MAGI2: variants seen among roughly 807,000 people sequenced by gnomAD.
MAGI2 encodes the protein membrane-associated guanylate kinase, WW and PDZ domain-containing protein 2.
A neutral mutation model predicts 133.3 loss-of-function variants in MAGI2; 35 were observed. The observed-to-expected ratio is 0.26, with a 90% CI of 0.20 to 0.35. The LOEUF (loss-of-function observed/expected upper bound fraction) is 0.35, where lower values mean the gene tolerates loss of function less well. Among genes scored for constraint, MAGI2 ranks in the 10% least tolerant of loss-of-function variants. The pLI is 1.00. For missense variants in MAGI2, 1,636 were observed against 1,863.4 expected (o/e 0.88, Z 2.25); for synonymous variants, 729 against 710.6 (o/e 1.03, Z -0.41).
intron 13 of MAGI2, among the ~76,000 whole-genome samples, chr7:78,185,024 A>G (rs1009441015): frequency 5.3e-5 from 8 of 152,192 alleles, no homozygotes; most frequent in African/African-American, 1.9e-4. Flanking sequence ...TATCTAGTCT[A>G]GTGTTATTCA....
At chr7:78,482,878 TACACACACACACACAC>T (rs3086358) in intron 6 of MAGI2, among the ~76,000 whole-genome samples, 13 of 89,882 alleles carry the variant, frequency 1.4e-4, no homozygotes, top group African/African-American at 3.6e-4. Flanking sequence ...CACATGGAAC[TACACACACACACACAC>T]ACACACACAC....
At chr7:78,909,464 G>T (rs181072545) in intron 2 of MAGI2, among the ~76,000 whole-genome samples, 201 of 150,792 alleles carry the variant, frequency 1.3e-3, no homozygotes, top group African/African-American at 4.6e-3. Context: ...TTAGCCAGGC[G>T]TGGTGGCAGG....
At chr7:78,782,361 C>T (rs1583867880) in intron 2 of MAGI2, among the ~76,000 whole-genome samples, 1 of 152,154 alleles carries the variant, frequency 6.6e-6, no homozygotes, top group African/African-American at 2.4e-5. Context: ...TTCTTTTTGC[C>T]TACCCACAGT....
chr7:78,185,772 T>C, intron 12 of MAGI2, 102 bp from the exon 13 acceptor site: 1 of 811,114 alleles, frequency 1.2e-6, no homozygotes, highest in South Asian at 2.3e-5. Flanking sequence ...CCAACCACAA[T>C]CTCATACTTA....
rs192947506 is a variant in MAGI2 at position 78,847,053 on chromosome 7, T to C, written c.418+160037A>G. On this transcript the variant is annotated intron_variant, in intron 2 of 21. Transcript: ENST00000354212. The stretch of plus-strand genomic sequence containing the variant: ...CTGCTATTTATAATTGACATTCTTA[T>C]AGACAAAAGATAATAGGTAGTTCAA... 9.9e-5 allele frequency among the ~76,000 whole-genome samples: 15 copies of C among 152,102 alleles called. No individual in the cohort carries two copies. In the East Asian group the frequency reaches 2.3e-3, roughly 24 times the overall value.
rs35086872 is a variant in MAGI2, at chr7:78,762,673, T to C, written c.419-135434A>G. ...GATAGTCAAGAAAATGACTCCGTTT[T>C]GGGAAAGTATAGCTAGTGAGAGAAA... On this transcript the variant is annotated intron_variant, in intron 2 of 21. Coordinates refer to ENST00000354212, the MANE Select transcript of MAGI2 (RefSeq NM_012301.4). Among the ~76,000 whole-genome samples the C allele has an allele frequency of 3.0e-3, 450 of 152,352 alleles. 2 individuals are homozygous for C. The highest frequency in any genetic ancestry group is 5.0e-3 in the Non-Finnish European group (342 of 68,028).
chr7:78,526,381 A>G (rs1444395406), intron 3 of MAGI2, among the ~76,000 whole-genome samples: 5 of 152,230 alleles, frequency 3.3e-5, no homozygotes, highest in Non-Finnish European at 5.9e-5. Context: ...TAAGGAGAGT[A>G]CAGGCTTTTC....
chr7:78,817,899 C>T (rs996197431), intron 2 of MAGI2, among the ~76,000 whole-genome samples: 33 of 151,940 alleles, frequency 2.2e-4, no homozygotes, highest in Middle Eastern at 3.4e-3. Context: ...TTAGTAGAGA[C>T]GGGGTCTCAC....
At chr7:78,330,455 A>C (rs1789053911) in intron 9 of MAGI2, among the ~76,000 whole-genome samples, 1 of 88,964 alleles carries the variant, frequency 1.1e-5, no homozygotes, top group African/African-American at 4.9e-5. Flanking sequence ...GTCTCTACTA[A>C]AAATACAAAA....
At chr7:79,244,306 A>C (rs1438569497) in intron 1 of MAGI2, among the ~76,000 whole-genome samples, 1 of 152,248 alleles carries the variant, frequency 6.6e-6, no homozygotes, top group Non-Finnish European at 1.5e-5. Flanking sequence ...CCAGGTGAGC[A>C]ATCACAGTAC....
At chr7:79,104,030 G>A (rs1327025095) in intron 1 of MAGI2, among the ~76,000 whole-genome samples, 1 of 152,044 alleles carries the variant, frequency 6.6e-6, no homozygotes, top group East Asian at 1.9e-4. Flanking sequence ...GTGGCTACAT[G>A]GTTGTATTCA....
At chr7:78,329,661 G>A (rs1359916342) in intron 9 of MAGI2, among the ~76,000 whole-genome samples, 1 of 152,148 alleles carries the variant, frequency 6.6e-6, no homozygotes, top group Non-Finnish European at 1.5e-5. Context: ...TTTTTGTTAT[G>A]ATTCAGAATT....
intron 1 of MAGI2, among the ~76,000 whole-genome samples, chr7:79,338,160 T>C (rs1221388822): frequency 1.3e-5 from 2 of 152,180 alleles, no homozygotes; most frequent in African/African-American, 2.4e-5. Context: ...AGCTCTGGAA[T>C]GTTTCATTTT....
Position 78,509,483 on chromosome 7 carries a change from A to G in MAGI2, c.755-7696T>C, listed in dbSNP as rs1398603079. The G allele has an allele frequency of 2.0e-5, 3 of 152,206 alleles. No homozygotes were observed. The East Asian group carries it at 5.8e-4, about 29-fold the overall frequency. 9.4% of individuals were successfully genotyped at this position (152,206 alleles called of 1,614,324 possible). On this transcript the variant is annotated intron_variant, in intron 4 of 21. Coordinates refer to ENST00000354212, the MANE Select transcript of MAGI2 (RefSeq NM_012301.4). Reference sequence around the variant, plus strand: ...CAGAAGGGCTCAAAGATCTGTACATAGTGCAGGAACTGAAAGCGTTTAATT... The same window carrying G: ...CAGAAGGGCTCAAAGATCTGTACATGGTGCAGGAACTGAAAGCGTTTAATT...
At chr7:78,613,476 G>A (rs1022152479) in intron 3 of MAGI2, among the ~76,000 whole-genome samples, 10 of 152,194 alleles carry the variant, frequency 6.6e-5, no homozygotes, top group African/African-American at 2.4e-4. Context: ...GCATTTCCCA[G>A]TAGAGGAAGC....
chr7:79,256,238 C>T (rs1833669288), intron 1 of MAGI2, among the ~76,000 whole-genome samples: 1 of 152,088 alleles, frequency 6.6e-6, no homozygotes, highest in African/African-American at 2.4e-5. Flanking sequence ...TTTTTATTTT[C>T]CTTTCGAGAT....
intron 2 of MAGI2, among the ~76,000 whole-genome samples, chr7:78,924,223 A>C (rs1799503661): frequency 6.6e-6 from 1 of 152,134 alleles, no homozygotes; most frequent in Non-Finnish European, 1.5e-5. Flanking sequence ...CAGAACTTCC[A>C]ACACTATGTT....
In MAGI2 at chr7:78,630,273, T is replaced by C. The variant is rs1035321728; in HGVS notation, c.419-3034A>G. ...TTTTTGTCTATAATTCTAACCCTAC[T>C]GCACATACCACTTCCTGCTTTTCTT... On this transcript the variant is annotated intron_variant, in intron 2 of 21. Transcript: ENST00000354212. Among the ~76,000 whole-genome samples, 5 of 152,220 alleles carry C rather than the reference T, an allele frequency of 3.3e-5. No homozygotes were observed. The South Asian group carries it at 1.0e-3, about 32-fold the overall frequency.
chr7:78,465,957 C>G (rs1313545372), intron 6 of MAGI2, among the ~76,000 whole-genome samples: 1 of 152,130 alleles, frequency 6.6e-6, no homozygotes. Flanking sequence ...ATGTTCAGCA[C>G]CAATCATTTA....
Sources: allele counts gnomAD v4.1 joint callset (sites outside exome capture counted in the v4.1 genomes callset), GRCh38; gene constraint gnomAD v4.1.1; transcripts MANE v1.5; gene names NCBI Gene and HGNC (gene_info 2026-07-23, HGNC 2026-07-21).